SLIT3: variants seen among roughly 807,000 people sequenced by gnomAD.
SLIT3 encodes slit homolog 3 protein.
In SLIT3, 68 loss-of-function variants were observed where a neutral mutation model predicts 184.0. That is an observed-to-expected ratio of 0.37 (90% CI 0.30 to 0.45). SLIT3 has a LOEUF of 0.45. Ranked by LOEUF, SLIT3 falls within the 20% of genes least tolerant of loss-of-function variation. The pLI is 1.00. For missense variants in SLIT3, 1,707 were observed against 2,026.0 expected, an observed-to-expected ratio of 0.84 and a Z score of 3.02; for synonymous variants, 831 against 828.6, an observed-to-expected ratio of 1.00 and a Z score of -0.05.
At chr5:169,048,001 A>G (rs76798730) in intron 4 of SLIT3, among the ~76,000 whole-genome samples, 2 of 152,092 alleles carry the variant, frequency 1.3e-5, no homozygotes, top group Admixed American at 6.5e-5. Flanking sequence ...GGAGGGGGAA[A>G]AAAAGAGAAA....
At chr5:168,765,420 C>T (rs531598587) in intron 14 of SLIT3, among the ~76,000 whole-genome samples, 9 of 152,168 alleles carry the variant, frequency 5.9e-5, no homozygotes, top group South Asian at 2.1e-4. Flanking sequence ...ACAAGGGGGT[C>T]GGAATGTGAT....
At chr5:169,068,093 A>AT (rs1758418745) in intron 4 of SLIT3, among the ~76,000 whole-genome samples, 1 of 152,162 alleles carries the variant, frequency 6.6e-6, no homozygotes, top group African/African-American at 2.4e-5. Flanking sequence ...TAAACTAGTG[A>AT]ACTGTGCAGC....
intron 4 of SLIT3, among the ~76,000 whole-genome samples, chr5:169,041,245 C>G (rs772164966): frequency 4.6e-5 from 7 of 152,210 alleles, no homozygotes; most frequent in Non-Finnish European, 1.0e-4. Context: ...ATTTATTCGA[C>G]AAACATATAC....
At chr5:168,980,441 C>T (rs1383890233) in intron 4 of SLIT3, among the ~76,000 whole-genome samples, 1 of 152,184 alleles carries the variant, frequency 6.6e-6, no homozygotes, top group Non-Finnish European at 1.5e-5. Context: ...TACTTTCATC[C>T]TTTTGCTATA....
At chr5:169,267,049 C>A (rs1039812036) in intron 1 of SLIT3, among the ~76,000 whole-genome samples, 11 of 152,318 alleles carry the variant, frequency 7.2e-5, no homozygotes, top group Admixed American at 2.6e-4. Flanking sequence ...TGAGTGTTTA[C>A]CATGTGCCAA....
intron 4 of SLIT3, chr5:169,026,336 G>A (rs928551880): frequency 6.6e-6 from 1 of 152,224 alleles, no homozygotes; most frequent in African/African-American, 2.4e-5. Flanking sequence ...AGCAAATGTG[G>A]TGGGTGTGAA....
At position 168,985,049 on chromosome 5, in the gene SLIT3, C is replaced by T. The variant is rs377107541; in HGVS notation, c.414-101713G>A. On this transcript the variant is annotated intron_variant, in intron 4 of 35. Transcript: ENST00000519560. ...AGGGAGTCATCTAAAATTTTCAGGC[C>T]ATTTCTTAGAATGACAATTACTTGA... 8.5e-5 allele frequency among the ~76,000 whole-genome samples: 13 copies of T among 152,238 alleles called. 1 individual carries two copies. Among genetic ancestry groups the T allele is most frequent in the African/African-American group, 1.7e-4 (7 of 41,560 alleles).
intron 4 of SLIT3, among the ~76,000 whole-genome samples, chr5:168,986,160 A>G (rs62378603): frequency 0.023 from 3,567 of 152,218 alleles, 58 homozygotes; most frequent in Non-Finnish European, 0.035. Flanking sequence ...CAGTTCTTTC[A>G]TGTCTTTTCT....
At chr5:168,753,334 G>C (rs538226492) in intron 17 of SLIT3, among the ~76,000 whole-genome samples, 3 of 152,334 alleles carry the variant, frequency 2.0e-5, no homozygotes, top group Non-Finnish European at 4.4e-5. Flanking sequence ...CACATGTCAT[G>C]CATATGTGTG....
At chr5:168,914,791 C>T (rs1201258742) in intron 4 of SLIT3, among the ~76,000 whole-genome samples, 8 of 152,108 alleles carry the variant, frequency 5.3e-5, no homozygotes, top group Admixed American at 5.2e-4. Context: ...TGGCAGACAA[C>T]CTAATCCTGT....
intron 32 of SLIT3, among the ~76,000 whole-genome samples, chr5:168,680,631 G>C (rs924053211): frequency 6.6e-6 from 1 of 152,056 alleles, no homozygotes; most frequent in African/African-American, 2.4e-5. Context: ...CTGAGGAGGA[G>C]ATCTCATTTT....
chr5:169,044,591 G>C (rs936686972), intron 4 of SLIT3, among the ~76,000 whole-genome samples: 7 of 151,722 alleles, frequency 4.6e-5, no homozygotes, highest in East Asian at 1.9e-4. Flanking sequence ...GGAAGGTGGG[G>C]GGGGGGATGG....
intron 16 of SLIT3, among the ~76,000 whole-genome samples, chr5:168,757,411 G>A (rs1361688374): frequency 6.6e-6 from 1 of 152,188 alleles, no homozygotes; most frequent in Non-Finnish European, 1.5e-5. Flanking sequence ...GTCTGGGTGT[G>A]CAACCCCTAT....
At chr5:168,738,656 AG>A in intron 20 of SLIT3, among the ~76,000 whole-genome samples, 2 of 152,290 alleles carry the variant, frequency 1.3e-5, no homozygotes, top group South Asian at 4.2e-4. Flanking sequence ...AGCAACTCAC[AG>A]GCTGGGCACG....
chr5:169,124,801 C>T (rs187084541), intron 4 of SLIT3, among the ~76,000 whole-genome samples: 136 of 151,832 alleles, frequency 9.0e-4, no homozygotes, highest in African/African-American at 3.1e-3. Flanking sequence ...TGGAGAATAC[C>T]GATGTGGTAT....
At chr5:168,748,707 T>C (rs1001488306) in intron 19 of SLIT3, among the ~76,000 whole-genome samples, 2 of 152,134 alleles carry the variant, frequency 1.3e-5, no homozygotes, top group South Asian at 2.1e-4. Context: ...ATAAGCCGAA[T>C]TGATTGAAGG....
chr5:169,121,398 C>T (rs990755680), intron 4 of SLIT3, among the ~76,000 whole-genome samples: 3 of 152,166 alleles, frequency 2.0e-5, no homozygotes, highest in Admixed American at 6.5e-5. Context: ...AAAAAGAACC[C>T]GCCCCTGCAA....
chr5:169,079,426 A>G (rs1391898982), intron 4 of SLIT3, among the ~76,000 whole-genome samples: 8 of 135,760 alleles, frequency 5.9e-5, no homozygotes, highest in Non-Finnish European at 1.1e-4. Context: ...CCAGGCTAAG[A>G]GACCAGGGTC....
chr5:168,941,937 G>A (rs1305704821), intron 4 of SLIT3, among the ~76,000 whole-genome samples: 3 of 152,168 alleles, frequency 2.0e-5, no homozygotes, highest in African/African-American at 7.2e-5. Flanking sequence ...ACCCAGCACT[G>A]GGTCTGGGAC....
Sources: gnomAD v4.1 joint callset for allele counts (sites outside exome capture counted in the v4.1 genomes callset) on GRCh38, gnomAD v4.1.1 for gene constraint, MANE v1.5 for transcripts, NCBI Gene and HGNC (gene_info 2026-07-23, HGNC 2026-07-21) for gene names.